The following NF1 variants were observed in gnomAD, a reference collection of about 807,000 sequenced individuals.
NF1 encodes the protein neurofibromin 1.
In NF1, 122 loss-of-function variants were observed where a neutral mutation model predicts 325.7. The ratio of observed to expected loss-of-function variants is 0.37; its 90% CI spans 0.32 to 0.44. NF1 has a LOEUF of 0.44. NF1 is among the 20% of genes least tolerant of loss of function. NF1 has a pLI of 1.00. For synonymous variants in NF1, 1,091 were observed against 1,186.0 expected (o/e 0.92, Z 1.65); for missense variants, 2,140 against 3,415.4 (o/e 0.63, Z 9.31).
intron 11 of NF1, among the ~76,000 whole-genome samples, chr17:31,205,588 T>A (rs924886441): frequency 1.3e-5 from 2 of 151,968 alleles, no homozygotes; most frequent in Non-Finnish European, 2.9e-5. Flanking sequence ...AAATAGAAAA[T>A]ACATAAAATA....
At chr17:31,139,897 A>T (rs1475793486) in intron 1 of NF1, among the ~76,000 whole-genome samples, 1 of 152,188 alleles carries the variant, frequency 6.6e-6, no homozygotes, top group Admixed American at 6.5e-5. Context: ...GAGATCACCA[A>T]ATTATCTGTA....
rs1208205873 is a variant in NF1 at position 31,340,606 on chromosome 17, C to A, written c.7023C>A (p.Asn2341Lys). 6.2e-7 allele frequency: 1 copy of A among 1,614,122 alleles called. No homozygotes were observed. Among genetic ancestry groups the A allele is most frequent in the Non-Finnish European group, 8.5e-7 (1 of 1,180,008 alleles). Reference protein sequence around the residue: ...YSAGTALLEQNLHTLDSLRIF... With the variant: ...YSAGTALLEQKLHTLDSLRIF... Reference sequence around the variant, plus strand: ...CAGGTACCGCACTTCTTGAACAAAACCTGCATACTTTAGATAGTCTCCGTA... The same window carrying A: ...CAGGTACCGCACTTCTTGAACAAAAACTGCATACTTTAGATAGTCTCCGTA... The change falls in exon 47 of 58, where the codon AAC becomes AAA. Residue 2341 changes from asparagine (N) to lysine (K), a missense_variant. Around this residue, in one of 10 missense-constraint regions of NF1, gnomAD observed 522 missense variants for 749.0 expected, o/e 0.70. Transcript: ENST00000358273.
chr17:31,318,418 GTTCTTTTCCAAGT>G, intron 36 of NF1: 1 of 1,613,944 alleles, frequency 6.2e-7, no homozygotes, highest in Non-Finnish European at 8.5e-7. Context: ...GAGCTGTTTT[GTTCTTTTCCAAGT>G]GTCTGATTCA....
At chr17:31,230,121 T>G (rs2151431148) in intron 22 of NF1, 139 bp from the exon 23 acceptor site, 1 of 1,401,188 alleles carries the variant, frequency 7.1e-7, no homozygotes. Context: ...CCAGAAGTTG[T>G]GTACGTTCTT....
At chr17:31,230,079 T>A in intron 22 of NF1, 105 bp downstream of exon 22, 1 of 1,489,098 alleles carries the variant, frequency 6.7e-7, no homozygotes, top group African/African-American at 1.4e-5. Context: ...CATTCTTTAC[T>A]GCACACAAAC....
In NF1 at chr17:31,233,119, T is replaced by G. The variant is rs1597720068; in HGVS notation, c.3614T>G (p.Phe1205Cys). The change falls in exon 27 of 58, where the codon TTT becomes TGT. Residue 1205 changes from phenylalanine (F) to cysteine (C), a missense_variant. Phe to Cys is a radical substitution (Grantham distance 205). Around this residue, in one of 10 missense-constraint regions of NF1, gnomAD observed 336 missense variants for 399.0 expected, o/e 0.84. Coordinates refer to ENST00000358273, the MANE Select transcript of NF1 (RefSeq NM_001042492.3). ...GCAGAAACAGTATTGGCTGATCGGT[T>G]TGAGAGATTGGTGGAACTGGTCACA... ...TLAETVLADRFERLVELVTMM... is the reference protein window; with the variant it reads ...TLAETVLADRCERLVELVTMM... 1 of 1,614,180 alleles carries G rather than the reference T, an allele frequency of 6.2e-7. No homozygotes were observed. The highest frequency in any genetic ancestry group is 8.5e-7 in the Non-Finnish European group (1 of 1,180,026).
chr17:31,149,084 T>C (rs940261883), intron 1 of NF1, among the ~76,000 whole-genome samples: 14 of 152,070 alleles, frequency 9.2e-5, no homozygotes, highest in Non-Finnish European at 1.2e-4. Flanking sequence ...GAATGGAACA[T>C]ACTGTGTATA....
chr17:31,199,224 A>G (rs1039078188), intron 8 of NF1, among the ~76,000 whole-genome samples: 1 of 151,886 alleles, frequency 6.6e-6, no homozygotes, highest in Non-Finnish European at 1.5e-5. Flanking sequence ...ACAGGTTTAC[A>G]TTTTTCTTTT....
At chr17:31,315,099 TAATTA>T in intron 36 of NF1, among the ~76,000 whole-genome samples, 1 of 152,182 alleles carries the variant, frequency 6.6e-6, no homozygotes, top group East Asian at 1.9e-4. Context: ...TGTATATTTG[TAATTA>T]AATTATTTTG....
At position 31,296,431 on chromosome 17, in the gene NF1, C is replaced by A. The variant is rs749807169; in HGVS notation, c.4836-29389C>A. On this transcript the variant is annotated intron_variant, in intron 36 of 57. Coordinates refer to ENST00000358273, the MANE Select transcript of NF1 (RefSeq NM_001042492.3). The stretch of plus-strand genomic sequence containing the variant: ...AGCATTAGGCAAAATTTTCAATAAA[C>A]CTCGTTGTTGTCGAGTCCTTTTATA... 40 of 1,198,634 alleles carry A rather than the reference C, an allele frequency of 3.3e-5. No homozygotes were observed. In the Admixed American group the frequency reaches 6.6e-4, roughly 20 times the overall value. 74.2% of individuals were successfully genotyped at this position (1,198,634 alleles called of 1,614,324 possible).
intron 29 of NF1, among the ~76,000 whole-genome samples, chr17:31,243,843 TC>T (rs888908864): frequency 6.6e-6 from 1 of 151,184 alleles, no homozygotes; most frequent in African/African-American, 2.4e-5. Flanking sequence ...CAACACAGAG[TC>T]CCCTTTATTC....
At chr17:31,323,831 ATCTCTC>A (rs895148829) in intron 36 of NF1, among the ~76,000 whole-genome samples, 1 of 150,884 alleles carries the variant, frequency 6.6e-6, no homozygotes, top group Non-Finnish European at 1.5e-5. Context: ...GTTTGTGTTA[ATCTCTC>A]TCTCTCTCTC....
At chr17:31,160,229 G>A (rs1400263481) in intron 3 of NF1, among the ~76,000 whole-genome samples, 1 of 152,084 alleles carries the variant, frequency 6.6e-6, no homozygotes, top group East Asian at 1.9e-4. Flanking sequence ...GGGATTACAG[G>A]CATGTACCAC....
At chr17:31,224,839 G>A (rs2066985069) in intron 16 of NF1, among the ~76,000 whole-genome samples, 1 of 152,150 alleles carries the variant, frequency 6.6e-6, no homozygotes, top group Non-Finnish European at 1.5e-5. Context: ...TCATGTTTAT[G>A]TCAGACTTAA....
At chr17:31,228,341 G>C (rs1397065344) in intron 20 of NF1, among the ~76,000 whole-genome samples, 1 of 152,122 alleles carries the variant, frequency 6.6e-6, no homozygotes, top group African/African-American at 2.4e-5. Flanking sequence ...ATTACAATAG[G>C]AAAAAGTTAT....
intron 2 of NF1, 73 bp downstream of exon 2, chr17:31,156,199 T>C (rs2065659424): frequency 6.5e-7 from 1 of 1,528,156 alleles, no homozygotes; most frequent in Admixed American, 1.7e-5. Flanking sequence ...TAGAACAGCA[T>C]ATTTTGAAGT....
chr17:31,130,393 T>C (rs1199098496), intron 1 of NF1, among the ~76,000 whole-genome samples: 1 of 152,172 alleles, frequency 6.6e-6, no homozygotes, highest in Admixed American at 6.5e-5. Context: ...CCAGTAGCAG[T>C]GGCAGCAAGG....
At chr17:31,106,033 A>G (rs985839997) in intron 1 of NF1, among the ~76,000 whole-genome samples, 11 of 152,220 alleles carry the variant, frequency 7.2e-5, no homozygotes, top group Non-Finnish European at 1.6e-4. Flanking sequence ...AATGATCTCA[A>G]GTGGTGACAC....
intron 36 of NF1, among the ~76,000 whole-genome samples, chr17:31,280,788 T>G (rs1479342053): frequency 6.6e-6 from 1 of 152,002 alleles, no homozygotes; most frequent in Non-Finnish European, 1.5e-5. Flanking sequence ...ATGTGCTCCT[T>G]TTAGCTAAGT....
Sources: allele counts gnomAD v4.1 joint callset (sites outside exome capture counted in the v4.1 genomes callset), GRCh38; gene constraint gnomAD v4.1.1; regional missense constraint gnomAD v4.1.1; transcripts MANE v1.5; gene names NCBI Gene and HGNC (gene_info 2026-07-23, HGNC 2026-07-21).